ZBTB43: variants seen among roughly 807,000 people sequenced by gnomAD.
ZBTB43 encodes zinc finger and BTB domain containing 43.
ZBTB43 carries 6 observed loss-of-function variants against 31.1 expected under a neutral mutation model. The ratio of observed to expected loss-of-function variants is 0.19; its 90% CI spans 0.11 to 0.38. The LOEUF is 0.38. Among genes scored for constraint, ZBTB43 ranks in the 10% least tolerant of loss-of-function variants. ZBTB43 has a pLI of 1.00. For missense variants in ZBTB43, 379 were observed against 602.1 expected, an observed-to-expected ratio of 0.63 and a Z score of 3.88; for synonymous variants, 212 against 221.7, an observed-to-expected ratio of 0.96 and a Z score of 0.39.
At chr9:126,830,406 G>T (rs1183180003) in intron 2 of ZBTB43, among the ~76,000 whole-genome samples, 1 of 152,226 alleles carries the variant, frequency 6.6e-6, no homozygotes, top group Non-Finnish European at 1.5e-5. Flanking sequence ...AGCACTTTGG[G>T]AGGCCAGGCG....
At chr9:126,810,677 GTA>G (rs2032227789) in intron 2 of ZBTB43, among the ~76,000 whole-genome samples, 1 of 150,042 alleles carries the variant, frequency 6.7e-6, no homozygotes, top group Admixed American at 6.6e-5. Flanking sequence ...ATTTTTTTTT[GTA>G]CTTTTAGTAG....
chr9:126,822,290 A>G (rs538798010), intron 2 of ZBTB43, among the ~76,000 whole-genome samples: 3 of 152,096 alleles, frequency 2.0e-5, no homozygotes, highest in African/African-American at 4.8e-5. Context: ...TAGAATATAA[A>G]CTTTATTGAT....
chr9:126,819,957 G>A (rs759821096), intron 2 of ZBTB43, among the ~76,000 whole-genome samples: 3 of 152,160 alleles, frequency 2.0e-5, no homozygotes, highest in Non-Finnish European at 4.4e-5. Context: ...AGCCAAAGCC[G>A]TCAGAAGAAG....
chr9:126,808,007 T>C (rs1240269163), intron 1 of ZBTB43, among the ~76,000 whole-genome samples: 1 of 152,174 alleles, frequency 6.6e-6, no homozygotes, highest in Non-Finnish European at 1.5e-5. Context: ...TTGTAACATA[T>C]TGAGGAAAAA....
At chr9:126,818,891 G>A (rs975965324) in intron 2 of ZBTB43, among the ~76,000 whole-genome samples, 1 of 152,138 alleles carries the variant, frequency 6.6e-6, no homozygotes, top group Non-Finnish European at 1.5e-5. Flanking sequence ...GTTAGGAAGT[G>A]GTCCCTCCCC....
At chr9:126,812,124 GATTTGTCT>G (rs2032264891) in intron 2 of ZBTB43, among the ~76,000 whole-genome samples, 1 of 151,868 alleles carries the variant, frequency 6.6e-6, no homozygotes, top group Non-Finnish European at 1.5e-5. Context: ...TGTCTCTATG[GATTTGTCT>G]ATTCTGGACA....
intron 2 of ZBTB43, among the ~76,000 whole-genome samples, chr9:126,813,076 G>A (rs1022852661): frequency 4.0e-5 from 6 of 151,482 alleles, no homozygotes; most frequent in African/African-American, 9.8e-5. Context: ...CGCCTCCCAG[G>A]TTCAAGCAGT....
chr9:126,819,607 C>G (rs2032466891), intron 2 of ZBTB43, among the ~76,000 whole-genome samples: 1 of 151,888 alleles, frequency 6.6e-6, no homozygotes, highest in African/African-American at 2.4e-5. Context: ...GTTCAGGCCT[C>G]CCTATTACGT....
At chr9:126,828,736 C>CA (rs1241314251) in intron 2 of ZBTB43, among the ~76,000 whole-genome samples, 1 of 150,260 alleles carries the variant, frequency 6.7e-6, no homozygotes, top group Non-Finnish European at 1.5e-5. Context: ...AGAGTAAAAG[C>CA]AAAGAGTACT....
intron 2 of ZBTB43, among the ~76,000 whole-genome samples, chr9:126,828,404 C>T (rs956967705): frequency 6.6e-6 from 1 of 151,648 alleles, no homozygotes; most frequent in African/African-American, 2.4e-5. Flanking sequence ...AGGATGGTCT[C>T]GATCTCCTGA....
In ZBTB43 at chr9:126,818,899, C is replaced by A. The variant is rs143230635; in HGVS notation, c.-24+9984C>A. Among the ~76,000 whole-genome samples, 788 of 152,188 alleles carry A rather than the reference C, an allele frequency of 5.2e-3. 6 individuals are homozygous for A. The highest frequency in any genetic ancestry group is 0.018 in the African/African-American group (748 of 41,494). On this transcript the variant is annotated intron_variant, in intron 2 of 2. Coordinates refer to ENST00000373464, the MANE Select transcript of ZBTB43 (RefSeq NM_014007.4). ...AGAATGAGTTAGGAAGTGGTCCCTC[C>A]CCTTCAGTGTTTTAGAAAAGTTTGA...
rs2119178563 is a variant in ZBTB43, at chr9:126,836,132, G to A, written c.*2219G>A. On this transcript the variant is annotated 3_prime_UTR_variant, in exon 3 of 3. Transcript: ENST00000373464. ...TGATCATTAGGACATTGCAGGAGAA[G>A]TCTGAGAGGTAAAAATACAGATATT... 1 of 167,230 alleles carries A rather than the reference G, an allele frequency of 6.0e-6. No individual in the cohort carries two copies. The highest frequency in any genetic ancestry group is 2.1e-4 in the South Asian group (1 of 4,828). 10.4% of individuals were successfully genotyped at this position (167,230 alleles called of 1,614,324 possible). A position where few individuals can be genotyped will look rare whatever the true frequency, so the allele number is the denominator to read the frequency against.
At chr9:126,811,399 A>G (rs2032245870) in intron 2 of ZBTB43, among the ~76,000 whole-genome samples, 1 of 152,180 alleles carries the variant, frequency 6.6e-6, no homozygotes, top group Non-Finnish European at 1.5e-5. Flanking sequence ...AGTAAAAAAT[A>G]CCTATTGAGT....
intron 2 of ZBTB43, among the ~76,000 whole-genome samples, chr9:126,813,767 TG>T (rs1343360722): frequency 2.6e-5 from 4 of 151,786 alleles, no homozygotes; most frequent in African/African-American, 9.7e-5. Context: ...GGGTTTTTTT[TG>T]TTGTTGGCCA....
Position 126,809,956 on chromosome 9 carries a change from T to C in ZBTB43, c.-24+1041T>C, listed in dbSNP as rs1382061592. 6.0e-5 allele frequency among the ~76,000 whole-genome samples: 9 copies of C among 150,602 alleles called. 1 individual carries two copies. The South Asian group carries it at 1.7e-3, about 28-fold the overall frequency. On this transcript the variant is annotated intron_variant, in intron 2 of 2. Transcript: ENST00000373464. ...GCTCAAGCAGTTCTCTGCCTCAGCC[T>C]TCAGAGTAGCTGGGATTACAGGTGC...
chr9:126,813,308 T>C (rs1430189519), intron 2 of ZBTB43, among the ~76,000 whole-genome samples: 1 of 152,162 alleles, frequency 6.6e-6, no homozygotes, highest in Non-Finnish European at 1.5e-5. Context: ...CTACCTAGAC[T>C]ACACTTATTG....
At chr9:126,804,240 T>C (rs1390722625), upstream of ZBTB43, among the ~76,000 whole-genome samples, 1 of 152,054 alleles carries the variant, frequency 6.6e-6, no homozygotes, top group South Asian at 2.1e-4. Flanking sequence ...AATTGGAGGC[T>C]AGAGAGATCG....
rs776790476 is a variant in ZBTB43 at position 126,832,602 on chromosome 9, A to G, written c.93A>G (p.Gln31=). ...TGAACCAGCAGCGCCAGCAAGGACAATTATGTGACGTCTCCATTGTTGTCC... is the reference window on the plus strand; with the variant it reads ...TGAACCAGCAGCGCCAGCAAGGACAGTTATGTGACGTCTCCATTGTTGTCC... ...QKLNQQRQQG[Q]LCDVSIVVQG... is the part of the protein sequence containing the mutation. Residue 31 remains glutamine (Q), a synonymous_variant, in exon 3 of 3, where the codon CAA becomes CAG. Transcript: ENST00000373464. 15 of 1,614,174 alleles carry G rather than the reference A, an allele frequency of 9.3e-6. No individual in the cohort carries two copies. Among genetic ancestry groups the G allele is most frequent in the Middle Eastern group, 1.6e-4 (1 of 6,062 alleles).
intron 2 of ZBTB43, 65 bp downstream of exon 2, chr9:126,808,980 G>A (rs1211691119): frequency 6.6e-6 from 1 of 152,032 alleles, no homozygotes; most frequent in Non-Finnish European, 1.5e-5. Flanking sequence ...TTCTCTTTTA[G>A]CAAAAATAAT....
Sources: gnomAD v4.1 joint callset for allele counts (sites outside exome capture counted in the v4.1 genomes callset) on GRCh38, gnomAD v4.1.1 for gene constraint, MANE v1.5 for transcripts, NCBI Gene and HGNC (gene_info 2026-07-23, HGNC 2026-07-21) for gene names.